The following CDH18 variants were observed in gnomAD, a reference collection of about 807,000 sequenced individuals.
The protein encoded by CDH18 is cadherin-18.
In CDH18, 31 loss-of-function variants were observed where a neutral mutation model predicts 67.9. The observed-to-expected ratio is 0.46, with a 90% confidence interval of 0.34 to 0.62. The LOEUF (loss-of-function observed/expected upper bound fraction) is 0.62. CDH18 is among the 20% of genes least tolerant of loss of function. The pLI, the probability that CDH18 is intolerant of heterozygous loss-of-function variation, is 0.01. For synonymous variants in CDH18, 362 were observed against 347.2 expected, an observed-to-expected ratio of 1.04 and a Z score of -0.48; for missense variants, 890 against 975.5, an observed-to-expected ratio of 0.91 and a Z score of 1.17.
intron 2 of CDH18, among the ~76,000 whole-genome samples, chr5:20,054,065 C>T (rs976806411): frequency 8.6e-5 from 13 of 152,042 alleles, no homozygotes; most frequent in African/African-American, 1.2e-4. Flanking sequence ...GGTAATTTTT[C>T]GTATTAGGGG....
intron 2 of CDH18, among the ~76,000 whole-genome samples, chr5:20,196,447 T>C (rs1302933548): frequency 2.6e-5 from 4 of 152,136 alleles, no homozygotes; most frequent in African/African-American, 9.7e-5. Context: ...ATGCAGGCAG[T>C]CTAATTCTGG....
At chr5:19,941,133 CA>C (rs1794771405) in intron 2 of CDH18, among the ~76,000 whole-genome samples, 1 of 151,954 alleles carries the variant, frequency 6.6e-6, no homozygotes, top group Admixed American at 6.6e-5. Flanking sequence ...GAGTCCTCAT[CA>C]ATAGGATTAG....
At chr5:19,566,884 A>C (rs945708002) in intron 8 of CDH18, among the ~76,000 whole-genome samples, 7 of 152,226 alleles carry the variant, frequency 4.6e-5, no homozygotes, top group African/African-American at 1.7e-4. Flanking sequence ...CATATGCACA[A>C]TACAGTAATT....
At chr5:19,617,167 A>C (rs1749971900) in intron 5 of CDH18, among the ~76,000 whole-genome samples, 1 of 152,190 alleles carries the variant, frequency 6.6e-6, no homozygotes. Flanking sequence ...GTTTCCATGC[A>C]TTTCTTCACA....
At chr5:20,127,028 A>T (rs1404016618) in intron 2 of CDH18, among the ~76,000 whole-genome samples, 5 of 152,134 alleles carry the variant, frequency 3.3e-5, no homozygotes, top group African/African-American at 1.2e-4. Context: ...TTCACAAGAG[A>T]TATGGTTTGG....
chr5:20,313,924 C>T (rs934815143), intron 1 of CDH18, among the ~76,000 whole-genome samples: 1 of 151,920 alleles, frequency 6.6e-6, no homozygotes, highest in Admixed American at 6.6e-5. Flanking sequence ...ACATTGCTGC[C>T]AAAATACGAG....
At chr5:20,456,401 A>G (rs931479147) in intron 1 of CDH18, among the ~76,000 whole-genome samples, 1 of 152,122 alleles carries the variant, frequency 6.6e-6, no homozygotes, top group Non-Finnish European at 1.5e-5. Flanking sequence ...AAAACCAAAA[A>G]GGTATTTATT....
chr5:20,200,411 C>T (rs1739357134), intron 2 of CDH18, among the ~76,000 whole-genome samples: 1 of 152,150 alleles, frequency 6.6e-6, no homozygotes, highest in Non-Finnish European at 1.5e-5. Context: ...TCGTGGCTCA[C>T]ACCTGTAATC....
intron 1 of CDH18, among the ~76,000 whole-genome samples, chr5:20,396,652 ATTGAT>A (rs147526717): frequency 0.43 from 64,530 of 151,480 alleles, 16,689 homozygotes; most frequent in Middle Eastern, 0.59. Flanking sequence ...AATCTAATGA[ATTGAT>A]TTATTTTATG....
intron 2 of CDH18, among the ~76,000 whole-genome samples, chr5:20,095,444 AAAAG>A (rs1314087321): frequency 2.4e-4 from 20 of 81,906 alleles, no homozygotes; most frequent in East Asian, 1.3e-3. Flanking sequence ...AGAAAGAAAG[AAAAG>A]AAAGAAAGAA....
chr5:20,344,851 A>C (rs778361226), intron 1 of CDH18, among the ~76,000 whole-genome samples: 3 of 152,182 alleles, frequency 2.0e-5, no homozygotes, highest in Non-Finnish European at 4.4e-5. Flanking sequence ...ATAAAAGATA[A>C]GTAACATATG....
intron 2 of CDH18, among the ~76,000 whole-genome samples, chr5:20,186,052 A>T (rs750964835): frequency 6.6e-6 from 1 of 152,056 alleles, no homozygotes; most frequent in African/African-American, 2.4e-5. Flanking sequence ...TCATCTGTTG[A>T]ATTCTTGCAC....
intron 1 of CDH18, among the ~76,000 whole-genome samples, chr5:20,470,077 G>T (rs914966765): frequency 6.6e-6 from 1 of 152,030 alleles, no homozygotes; most frequent in Admixed American, 6.5e-5. Flanking sequence ...CTGACTTCTT[G>T]CTTGTAGTTC....
intron 2 of CDH18, among the ~76,000 whole-genome samples, chr5:20,215,771 A>G (rs1740719819): frequency 6.6e-6 from 1 of 152,072 alleles, no homozygotes; most frequent in Non-Finnish European, 1.5e-5. Flanking sequence ...TGGTACATGT[A>G]CAACATGGAA....
intron 1 of CDH18, among the ~76,000 whole-genome samples, chr5:20,363,395 G>A (rs1049688724): frequency 2.2e-5 from 3 of 138,802 alleles, no homozygotes; most frequent in Non-Finnish European, 3.0e-5. Context: ...TGAGACAGAA[G>A]AATCACTTGA....
At chr5:19,803,488 C>CT (rs1282742727) in intron 3 of CDH18, among the ~76,000 whole-genome samples, 1 of 152,152 alleles carries the variant, frequency 6.6e-6, no homozygotes, top group South Asian at 2.1e-4. Flanking sequence ...TCACATGTAG[C>CT]TAGTGACTAT....
chr5:19,843,570 C>T (rs557084744), intron 2 of CDH18, among the ~76,000 whole-genome samples: 1 of 152,342 alleles, frequency 6.6e-6, no homozygotes, highest in East Asian at 1.9e-4. Flanking sequence ...TGAGGTCGGA[C>T]CCCCGACATA....
At chr5:19,700,404 T>C (rs558610261) in intron 5 of CDH18, among the ~76,000 whole-genome samples, 16 of 152,292 alleles carry the variant, frequency 1.1e-4, no homozygotes, top group African/African-American at 3.4e-4. Flanking sequence ...TGAAACATAG[T>C]TGTGTAGCGC....
chr5:20,536,631 G>A (rs1756741632), intron 1 of CDH18, among the ~76,000 whole-genome samples: 1 of 152,074 alleles, frequency 6.6e-6, no homozygotes, highest in African/African-American at 2.4e-5. Context: ...AAGTCAGTTA[G>A]CCTATGGCAC....
Sources: gnomAD v4.1 joint callset for allele counts (sites outside exome capture counted in the v4.1 genomes callset) on GRCh38, gnomAD v4.1.1 for gene constraint, MANE v1.5 for transcripts, NCBI Gene and HGNC (gene_info 2026-07-23, HGNC 2026-07-21) for gene names.